The following TLR4 variants were observed in gnomAD, a reference collection of about 807,000 sequenced individuals.
TLR4 encodes toll-like receptor 4.
TLR4 carries 17 observed loss-of-function variants against 27.4 expected under a neutral mutation model. The ratio of observed to expected loss-of-function variants is 0.62; its 90% confidence interval spans 0.42 to 0.93. The LOEUF is 0.93. Among genes scored for constraint, TLR4 ranks in the 40% least tolerant of loss-of-function variants. TLR4 has a pLI of 0.00. For missense variants in TLR4, 926 were observed against 962.3 expected (o/e 0.96, Z 0.50); for synonymous variants, 363 against 365.7 (o/e 0.99, Z 0.08).
chr9:117,710,202 C>T (rs151092661), intron 2 of TLR4, among the ~76,000 whole-genome samples: 1 of 152,134 alleles, frequency 6.6e-6, no homozygotes, highest in East Asian at 1.9e-4. Flanking sequence ...AGTTTTTCAA[C>T]CCTTGCTGCT....
In TLR4 at chr9:117,719,691, C is replaced by T. The variant is rs1281713733; in HGVS notation, c.*5043C>T. ...GTCTACAGTTGGTCTGACTTCCTGACGGGCATCACAGACTTGTGATTAAAC... is the reference window on the plus strand; with the variant it reads ...GTCTACAGTTGGTCTGACTTCCTGATGGGCATCACAGACTTGTGATTAAAC... On this transcript the variant is annotated 3_prime_UTR_variant, in exon 3 of 3. Coordinates refer to ENST00000355622, the MANE Select transcript of TLR4 (RefSeq NM_138554.5). The T allele has an allele frequency of 6.6e-6, 1 of 151,902 alleles. No individual in the cohort carries two copies. The highest frequency in any genetic ancestry group is 2.1e-4 in the South Asian group (1 of 4,818). The allele number at this position is 151,902 out of a possible 1,614,324, so 9.4% of individuals were successfully genotyped here. A position where few individuals can be genotyped will look rare whatever the true frequency, so the allele number is the denominator to read the frequency against.
rs774943237 is a variant in TLR4, at chr9:117,712,746, C to T, written c.618C>T (p.Leu206=). The T allele has an allele frequency of 1.1e-5, 17 of 1,613,942 alleles. No individual in the cohort carries two copies. The South Asian group carries it at 1.6e-4, about 16-fold the overall frequency. ...TACATCAAATGCCCCTACTCAATCTCTCTTTAGACCTGTCCCTGAACCCTA... is the reference window on the plus strand; with the variant it reads ...TACATCAAATGCCCCTACTCAATCTTTCTTTAGACCTGTCCCTGAACCCTA... ...RVLHQMPLLN[L]SLDLSLNPMN... is the part of the protein sequence containing the mutation. Residue 206 remains leucine (L), a synonymous_variant, in exon 3 of 3, where the codon CTC becomes CTT. Coordinates refer to ENST00000355622, the MANE Select transcript of TLR4 (RefSeq NM_138554.5).
intron 2 of TLR4, 75 bp downstream of exon 2, chr9:117,708,804 G>T: frequency 1.3e-6 from 2 of 1,590,988 alleles, no homozygotes; most frequent in Non-Finnish European, 1.7e-6. Context: ...GGACTGGAAA[G>T]CTTGGTTTGT....
chr9:117,704,613 A>G, intron 1 of TLR4, 48 bp downstream of exon 1: 4 of 1,518,774 alleles, frequency 2.6e-6, no homozygotes, highest in African/African-American at 1.4e-5. Context: ...ACTTCTGCCC[A>G]GAACTTCTCA....
rs200724681 is a variant in TLR4 at position 117,714,438 on chromosome 9, C to G, written c.2310C>G (p.Val770=). 4.6e-5 allele frequency: 74 copies of G among 1,613,760 alleles called. No homozygotes were observed. Among genetic ancestry groups the G allele is most frequent in the Non-Finnish European group, 5.8e-5 (68 of 1,179,992 alleles). The change falls in exon 3 of 3, where the codon GTC becomes GTG. Residue 770 remains valine, a synonymous_variant. Coordinates refer to ENST00000355622, the MANE Select transcript of TLR4 (RefSeq NM_138554.5). The part of the protein sequence containing the change: ...LSSRAGIIFI[V]LQKVEKTLLR... ...GTCGTGCTGGTATCATCTTCATTGT[C>G]CTGCAGAAGGTGGAGAAGACCCTGC...
At chr9:117,711,708 T>C (rs1000071461) in intron 2 of TLR4, among the ~76,000 whole-genome samples, 1 of 152,204 alleles carries the variant, frequency 6.6e-6, no homozygotes, top group African/African-American at 2.4e-5. Flanking sequence ...TCAACTTAAG[T>C]GTTCTCAGAG....
Position 117,714,543 on chromosome 9 carries a change from C to T in TLR4, c.2415C>T (p.His805=), listed in dbSNP as rs771537409. Residue 805 remains histidine (H), a synonymous_variant, in exon 3 of 3, where the codon CAC becomes CAT. Coordinates refer to ENST00000355622, the MANE Select transcript of TLR4 (RefSeq NM_138554.5). ...LEWEDSVLGR[H]IFWRRLRKAL... ...GGGAGGACAGTGTCCTGGGGCGGCA[C>T]ATCTTCTGGAGACGACTCAGAAAAG... 7.4e-6 allele frequency: 12 copies of T among 1,613,864 alleles called. No individual in the cohort carries two copies. The highest frequency in any genetic ancestry group is 1.0e-5 in the Non-Finnish European group (12 of 1,179,990).
intron 2 of TLR4, 24 bp downstream of exon 2, chr9:117,708,753 T>G (rs1329843192): frequency 1.9e-6 from 3 of 1,613,242 alleles, no homozygotes; most frequent in Non-Finnish European, 2.5e-6. Context: ...TTTTACATAC[T>G]GCACAAGGTG....
chr9:117,723,930 C>T lies in TLR4; in HGVS notation c.*9282C>T, dbSNP rs530716015. On this transcript the variant is annotated 3_prime_UTR_variant, in exon 3 of 3. Transcript: ENST00000355622. Reference sequence around the variant, plus strand: ...CCATTCGACCCCTTGTGCCTCTTACCATATGTGAATGCTTGTCAGTTGAGA... The same window carrying T: ...CCATTCGACCCCTTGTGCCTCTTACTATATGTGAATGCTTGTCAGTTGAGA... The T allele has an allele frequency of 2.0e-5, 3 of 152,316 alleles. No homozygotes were observed. Among genetic ancestry groups the T allele is most frequent in the Non-Finnish European group, 4.4e-5 (3 of 68,036 alleles). 9.4% of individuals were successfully genotyped at this position (152,316 alleles called of 1,614,324 possible).
Position 117,713,410 on chromosome 9 carries a change from G to C in TLR4, c.1282G>C (p.Asp428His). 1 of 1,613,978 alleles carries C rather than the reference G, an allele frequency of 6.2e-7. No homozygotes were observed. Among genetic ancestry groups the C allele is most frequent in the South Asian group, 1.1e-5 (1 of 91,076 alleles). The change falls in exon 3 of 3, where the codon GAT (aspartate) becomes CAT (histidine). Residue 428 changes from aspartate to histidine, a missense_variant. Transcript: ENST00000355622. ...FLGLEQLEHL[D>H]FQHSNLKQMS... is the part of the protein sequence containing the mutation. ...GGGCTTAGAACAACTAGAACATCTGGATTTCCAGCATTCCAATTTGAAACA... is the reference window on the plus strand; with the variant it reads ...GGGCTTAGAACAACTAGAACATCTGCATTTCCAGCATTCCAATTTGAAACA...
intron 1 of TLR4, among the ~76,000 whole-genome samples, chr9:117,705,657 T>C (rs538788482): frequency 6.6e-6 from 1 of 152,280 alleles, no homozygotes; most frequent in Admixed American, 6.5e-5. Context: ...AGGCCCTCAT[T>C]TCCCCTGGCA....
rs1168807415 is a variant in TLR4 at position 117,716,903 on chromosome 9, GACA to G, written c.*2260_*2262del. The G allele has an allele frequency of 1.3e-5, 2 of 152,228 alleles. No homozygotes were observed. Among genetic ancestry groups the G allele is most frequent in the East Asian group, 3.9e-4 (2 of 5,186 alleles). The allele number at this position is 152,228 out of a possible 1,614,324, so 9.4% of individuals were successfully genotyped here. A position where few individuals can be genotyped will look rare whatever the true frequency, so the allele number is the denominator to read the frequency against. On this transcript the variant is annotated 3_prime_UTR_variant, in exon 3 of 3. Coordinates refer to ENST00000355622, the MANE Select transcript of TLR4 (RefSeq NM_138554.5). ...CTGAATGAAGCTATAAAAAAGAAAAGACAACAAAATTCAGTTGTCAAAACTGGA... is the reference window on the plus strand; with the variant it reads ...CTGAATGAAGCTATAAAAAAGAAAAGACAAAATTCAGTTGTCAAAACTGGA...
At position 117,704,425 on chromosome 9, in the gene TLR4, A is replaced by C. The variant is rs777580198; in HGVS notation, c.-48A>C. Reference sequence around the variant, plus strand: ...GTCAGACGGTGATAGCGAGCCACGCATTCACAGGGCCACTGCTGCTCACAG... The same window carrying C: ...GTCAGACGGTGATAGCGAGCCACGCCTTCACAGGGCCACTGCTGCTCACAG... On this transcript the variant is annotated 5_prime_UTR_variant, in exon 1 of 3. Transcript: ENST00000355622. 4 of 1,568,332 alleles carry C rather than the reference A, an allele frequency of 2.6e-6. No individual in the cohort carries two copies. In the African/African-American group the frequency reaches 5.4e-5, roughly 21 times the overall value.
chr9:117,712,721 T>C lies in TLR4; in HGVS notation c.593T>C (p.Leu198Pro). Reference sequence around the variant, plus strand: ...ATTTATTGCACAGACTTGCGGGTTCTACATCAAATGCCCCTACTCAATCTC... The same window carrying C: ...ATTTATTGCACAGACTTGCGGGTTCCACATCAAATGCCCCTACTCAATCTC... ...QSIYCTDLRVLHQMPLLNLSL... is the reference protein window; with the variant it reads ...QSIYCTDLRVPHQMPLLNLSL... Residue 198 changes from leucine to proline, a missense_variant, in exon 3 of 3, where the codon CTA becomes CCA. Physicochemically the swap from Leu to Pro is moderately conservative, Grantham distance 98. Coordinates refer to ENST00000355622, the MANE Select transcript of TLR4 (RefSeq NM_138554.5). The C allele has an allele frequency of 6.2e-7, 1 of 1,614,134 alleles. No homozygotes were observed. Among genetic ancestry groups the C allele is most frequent in the East Asian group, 2.2e-5 (1 of 44,868 alleles).
chr9:117,708,488 C>T, intron 1 of TLR4, 75 bp from the exon 2 acceptor site: 1 of 1,606,390 alleles, frequency 6.2e-7, no homozygotes. Context: ...CCCCTCTCCA[C>T]CATCTCTGGT....
rs1332743196 is a variant in TLR4, at chr9:117,708,302, G to C, written c.94-261G>C. 8.0e-6 allele frequency: 10 copies of C among 1,254,604 alleles called. No homozygotes were observed. In the Admixed American group the frequency reaches 1.4e-4, roughly 17 times the overall value. The allele number at this position is 1,254,604 out of a possible 1,614,324, so 77.7% of individuals were successfully genotyped here. On this transcript the variant is annotated intron_variant, in intron 1 of 2. Transcript: ENST00000355622. ...ATTCCATTGCTTCTTGCTAAATGCT[G>C]CCGTTTTATCACGGAGGTTAGAATG...
rs958681405 is a variant in TLR4, at chr9:117,708,679, C to T, written c.210C>T (p.Gly70=). 2 of 1,613,810 alleles carry T rather than the reference C, an allele frequency of 1.2e-6. No homozygotes were observed. The highest frequency in any genetic ancestry group is 1.7e-6 in the Non-Finnish European group (2 of 1,179,858). Residue 70 remains glycine, a synonymous_variant, in exon 2 of 3, where the codon GGC becomes GGT. Transcript: ENST00000355622. The part of the protein sequence containing the change: ...DLSFNPLRHL[G]SYSFFSFPEL... ...GCTTTAATCCCCTGAGGCATTTAGG[C>T]AGCTATAGCTTCTTCAGTTTCCCAG...
At chr9:117,707,133 G>T (rs1331594318) in intron 1 of TLR4, among the ~76,000 whole-genome samples, 1 of 152,186 alleles carries the variant, frequency 6.6e-6, no homozygotes, top group Non-Finnish European at 1.5e-5. Context: ...CATAATGTTA[G>T]ATGGTTGTGC....
intron 1 of TLR4, among the ~76,000 whole-genome samples, chr9:117,707,837 CCAGA>C (rs1284890869): frequency 2.0e-5 from 3 of 152,128 alleles, no homozygotes; most frequent in African/African-American, 7.2e-5. Context: ...ATCTTGACTG[CCAGA>C]CAGTCTCCCC....
Sources: gnomAD v4.1 joint callset for allele counts (sites outside exome capture counted in the v4.1 genomes callset) on GRCh38, gnomAD v4.1.1 for gene constraint, MANE v1.5 for transcripts, NCBI Gene and HGNC (gene_info 2026-07-23, HGNC 2026-07-21) for gene names.